Variants in PTPRR observed in about 807,000 individuals in gnomAD.
PTPRR encodes the protein receptor-type tyrosine-protein phosphatase R.
Under a neutral mutation model 77.2 loss-of-function variants are expected in PTPRR, and 38 were observed. The observed-to-expected ratio is 0.49, with a 90% CI of 0.38 to 0.65. The LOEUF is 0.65. Among genes scored for constraint, PTPRR ranks in the 30% least tolerant of loss-of-function variants. The pLI is 0.00. For missense variants in PTPRR, 744 were observed against 799.2 expected (o/e 0.93, Z 0.83); for synonymous variants, 299 against 283.1 (o/e 1.06, Z -0.57).
At chr12:70,910,808 G>A (rs954639095) in intron 1 of PTPRR, among the ~76,000 whole-genome samples, 4 of 152,176 alleles carry the variant, frequency 2.6e-5, no homozygotes, top group Non-Finnish European at 5.9e-5. Flanking sequence ...GAGGACTCAT[G>A]TGAATTGCCC....
At chr12:70,796,962 G>A (rs1315002627) in intron 2 of PTPRR, among the ~76,000 whole-genome samples, 1 of 152,170 alleles carries the variant, frequency 6.6e-6, no homozygotes, top group East Asian at 1.9e-4. Context: ...AGGTTGCTGT[G>A]AGCCGAGACT....
chr12:70,877,928 C>T (rs540103762), intron 2 of PTPRR, among the ~76,000 whole-genome samples: 1 of 152,028 alleles, frequency 6.6e-6, no homozygotes, highest in Non-Finnish European at 1.5e-5. Flanking sequence ...CAGAACACAG[C>T]CCTAAGAAAT....
chr12:70,642,363 C>T (rs1886035741), intron 13 of PTPRR, among the ~76,000 whole-genome samples: 1 of 152,130 alleles, frequency 6.6e-6, no homozygotes, highest in African/African-American at 2.4e-5. Flanking sequence ...CAGCACAATG[C>T]TCTTGTTTAC....
chr12:70,759,794 A>G (rs986385522), intron 4 of PTPRR, among the ~76,000 whole-genome samples: 2 of 152,012 alleles, frequency 1.3e-5, no homozygotes, highest in African/African-American at 4.8e-5. Flanking sequence ...TCGAGTTTAG[A>G]ATTGCTGAAA....
At position 70,677,035 on chromosome 12, in the gene PTPRR, T is replaced by C. The variant is rs189151676; in HGVS notation, c.1497+7092A>G. Among the ~76,000 whole-genome samples the C allele has an allele frequency of 1.7e-3, 254 of 152,280 alleles. 1 individual carries two copies. Among genetic ancestry groups the C allele is most frequent in the African/African-American group, 5.2e-3 (217 of 41,578 alleles). ...ATGGACATTTTAACAATATTAATTA[T>C]TCCACTCCATGAACACAGGATATAT... On this transcript the variant is annotated intron_variant, in intron 10 of 13. Coordinates refer to ENST00000283228, the MANE Select transcript of PTPRR (RefSeq NM_002849.4).
At chr12:70,868,813 A>G (rs537870390) in intron 2 of PTPRR, among the ~76,000 whole-genome samples, 1 of 152,270 alleles carries the variant, frequency 6.6e-6, no homozygotes, top group East Asian at 1.9e-4. Context: ...GACTGGATTA[A>G]GAAAATGTGG....
At chr12:70,681,477 G>A (rs965669325) in intron 10 of PTPRR, among the ~76,000 whole-genome samples, 2 of 152,190 alleles carry the variant, frequency 1.3e-5, no homozygotes, top group Non-Finnish European at 2.9e-5. Flanking sequence ...CCTCTTGCTT[G>A]CCTAGTCCCC....
Position 70,656,753 on chromosome 12 carries a change from C to T in PTPRR, c.1831G>A (p.Glu611Lys), listed in dbSNP as rs138527881. ...TSIGCQQLKE[E>K]GVVDALSIVC... ...ATGCTTAGTGCATCCACAACTCCTT[C>T]TTCTTTCAGCTGTTGACAGCCAATG... is the stretch of plus-strand genomic sequence containing the variant. The change falls in exon 13 of 14, where the codon GAA becomes AAA. Residue 611 changes from glutamate to lysine, a missense_variant. Glu to Lys is a moderately conservative substitution (Grantham distance 56). This residue lies in a region of PTPRR where 170 missense variants were observed against 209.8 expected (regional missense o/e 0.81). Coordinates refer to ENST00000283228, the MANE Select transcript of PTPRR (RefSeq NM_002849.4). The T allele has an allele frequency of 3.7e-6, 6 of 1,614,008 alleles. No homozygotes were observed. Among genetic ancestry groups the T allele is most frequent in the African/African-American group, 2.7e-5 (2 of 75,018 alleles).
intron 10 of PTPRR, among the ~76,000 whole-genome samples, chr12:70,669,118 C>T (rs1186549391): frequency 2.0e-5 from 3 of 152,140 alleles, no homozygotes; most frequent in Non-Finnish European, 4.4e-5. Flanking sequence ...GCAGAATATA[C>T]ATCATAATAC....
intron 13 of PTPRR, 87 bp downstream of exon 13, chr12:70,656,617 C>G: frequency 1.1e-6 from 1 of 912,000 alleles, no homozygotes; most frequent in Non-Finnish European, 1.8e-6. Flanking sequence ...ACCTTGGAGC[C>G]TGAGATGTTT....
At chr12:70,919,988 T>C (rs1214271512) in intron 1 of PTPRR, among the ~76,000 whole-genome samples, 2 of 152,074 alleles carry the variant, frequency 1.3e-5, no homozygotes, top group Non-Finnish European at 2.9e-5. Context: ...CAGGATGTCT[T>C]ATCCCTCTCC....
chr12:70,793,314 G>A (rs1318647618), intron 2 of PTPRR, among the ~76,000 whole-genome samples: 5 of 152,132 alleles, frequency 3.3e-5, no homozygotes, highest in Non-Finnish European at 7.4e-5. Flanking sequence ...TTCTAAATAC[G>A]TGGGATCAGA....
At chr12:70,911,359 G>A (rs532895878) in intron 1 of PTPRR, among the ~76,000 whole-genome samples, 109 of 152,216 alleles carry the variant, frequency 7.2e-4, no homozygotes, top group South Asian at 5.8e-3. Context: ...AGCATCCCTC[G>A]TCCATGCTTG....
chr12:70,822,525 C>G (rs962082198), intron 2 of PTPRR, among the ~76,000 whole-genome samples: 2 of 152,100 alleles, frequency 1.3e-5, no homozygotes, highest in Non-Finnish European at 2.9e-5. Context: ...AATTTTGTGT[C>G]TCTGGTATCA....
At chr12:70,684,828 T>G in intron 8 of PTPRR, 45 bp from the exon 9 acceptor site, 1 of 1,388,604 alleles carries the variant, frequency 7.2e-7, no homozygotes, top group Non-Finnish European at 1.0e-6. Flanking sequence ...GATTTACCCT[T>G]TTTAAAGTTC....
At chr12:70,779,654 TCTC>T (rs1891161796) in intron 2 of PTPRR, among the ~76,000 whole-genome samples, 1 of 152,076 alleles carries the variant, frequency 6.6e-6, no homozygotes, top group Non-Finnish European at 1.5e-5. Flanking sequence ...TTCTCTGCTG[TCTC>T]CTCAAGACCC....
At chr12:70,688,048 G>T (rs1290463897) in intron 8 of PTPRR, among the ~76,000 whole-genome samples, 4 of 152,014 alleles carry the variant, frequency 2.6e-5, no homozygotes, top group African/African-American at 9.7e-5. Flanking sequence ...GTTGGTCAGG[G>T]GCAGACTGAC....
At chr12:70,860,900 ACT>A (rs1242907536) in intron 2 of PTPRR, among the ~76,000 whole-genome samples, 1 of 151,748 alleles carries the variant, frequency 6.6e-6, no homozygotes. Context: ...TCTACACATA[ACT>A]CTCTATTCCC....
chr12:70,806,422 A>C (rs1158121654), intron 2 of PTPRR, among the ~76,000 whole-genome samples: 2 of 152,198 alleles, frequency 1.3e-5, no homozygotes, highest in Admixed American at 6.5e-5. Context: ...GTTGGAAAGA[A>C]TGAACAAGTA....
Sources: gnomAD v4.1 joint callset for allele counts (sites outside exome capture counted in the v4.1 genomes callset) on GRCh38, gnomAD v4.1.1 for gene constraint, gnomAD v4.1.1 regional missense constraint, MANE v1.5 for transcripts, NCBI Gene and HGNC (gene_info 2026-07-23, HGNC 2026-07-21) for gene names.